AFTPH: variants seen among roughly 807,000 people sequenced by gnomAD.
The protein encoded by AFTPH is aftiphilin protein.
A neutral mutation model predicts 72.5 loss-of-function variants in AFTPH; 7 were observed. That is an observed-to-expected ratio of 0.10 (90% CI 0.05 to 0.18). AFTPH has a LOEUF of 0.18. AFTPH is among the 10% of genes least tolerant of loss of function. AFTPH has a pLI of 1.00. For synonymous variants in AFTPH, 337 were observed against 370.1 expected (o/e 0.91, Z 1.03); for missense variants, 979 against 1,060.5 (o/e 0.92, Z 1.07).
chr2:64,585,478 A>G (rs1193297359), exon 8 of AFTPH: 3 of 1,613,724 alleles, frequency 1.9e-6, no homozygotes, highest in South Asian at 1.1e-5. Flanking sequence ...CTCCACCTCA[A>G]GCCTCAAAGT....
At chr2:64,567,782 A>G in intron 3 of AFTPH, 69 bp downstream of exon 3, 2 of 1,526,372 alleles carry the variant, frequency 1.3e-6, no homozygotes, top group Middle Eastern at 3.5e-4. Context: ...TTATAAGTTT[A>G]TCTTAAAACA....
intron 2 of AFTPH, among the ~76,000 whole-genome samples, chr2:64,562,400 T>C (rs1461423180): frequency 6.6e-6 from 1 of 151,746 alleles, no homozygotes; most frequent in Non-Finnish European, 1.5e-5. Context: ...ACCCAGGTAC[T>C]GGAAATTCAA....
chr2:64,544,362 C>T (rs553188506), intron 1 of AFTPH, among the ~76,000 whole-genome samples: 1 of 152,182 alleles, frequency 6.6e-6, no homozygotes, highest in African/African-American at 2.4e-5. Context: ...TTATTTGCTC[C>T]CCTCTAACAG....
At chr2:64,590,272 A>G (rs1173515386) in intron 8 of AFTPH, among the ~76,000 whole-genome samples, 1 of 152,106 alleles carries the variant, frequency 6.6e-6, no homozygotes, top group Non-Finnish European at 1.5e-5. Flanking sequence ...AAAGCTCTGG[A>G]TTTGTCTGTT....
intron 2 of AFTPH, among the ~76,000 whole-genome samples, chr2:64,563,701 T>G (rs1264715272): frequency 6.6e-6 from 1 of 152,216 alleles, no homozygotes; most frequent in Non-Finnish European, 1.5e-5. Flanking sequence ...CCTCCCAGGT[T>G]CAAGTGATTC....
chr2:64,586,639 G>C (rs1175319533), intron 8 of AFTPH, among the ~76,000 whole-genome samples: 5 of 152,012 alleles, frequency 3.3e-5, no homozygotes, highest in African/African-American at 2.4e-5. Context: ...CTTTTCCCTA[G>C]AATGGCTTTG....
chr2:64,546,760 C>T (rs978463889), intron 1 of AFTPH, among the ~76,000 whole-genome samples: 1 of 151,774 alleles, frequency 6.6e-6, no homozygotes, highest in Non-Finnish European at 1.5e-5. Flanking sequence ...CAAGGCTGGG[C>T]ATGGTGGCTC....
intron 1 of AFTPH, among the ~76,000 whole-genome samples, chr2:64,545,964 C>G (rs1012752692): frequency 9.2e-5 from 14 of 152,046 alleles, no homozygotes; most frequent in Non-Finnish European, 4.4e-5. Flanking sequence ...ACGATCTCGT[C>G]TCACTGCAAC....
At chr2:64,541,543 T>C (rs1407901740) in intron 1 of AFTPH, among the ~76,000 whole-genome samples, 3 of 152,172 alleles carry the variant, frequency 2.0e-5, no homozygotes, top group Admixed American at 2.0e-4. Context: ...AAAAGTTAAC[T>C]AAAACCCAAA....
chr2:64,547,220 C>T (rs1670699639), intron 1 of AFTPH, among the ~76,000 whole-genome samples: 1 of 152,220 alleles, frequency 6.6e-6, no homozygotes, highest in African/African-American at 2.4e-5. Context: ...CTTCTCATGT[C>T]TCTTTATTCT....
intron 6 of AFTPH, 73 bp downstream of exon 6, chr2:64,573,141 T>G: frequency 8.7e-7 from 1 of 1,152,754 alleles, no homozygotes; most frequent in Admixed American, 2.0e-5. Context: ...ACTGCCTTTT[T>G]CCTTCATTTA....
rs55774717 is a variant in AFTPH at position 64,576,074 on chromosome 2, TACACACACAC to T, written c.2394+3041_2394+3050del. On this transcript the variant is annotated intron_variant, in intron 6 of 8. Transcript: ENST00000238856. ...TTCTTACCACTCTTCTTTGGCATGC[TACACACACAC>T]ACACACACACACACACACACACACA... Among the ~76,000 whole-genome samples, 410 of 127,748 alleles carry T rather than the reference TACACACACAC, an allele frequency of 3.2e-3. 1 individual carries two copies. Among genetic ancestry groups the T allele is most frequent in the South Asian group, 6.6e-3 (25 of 3,800 alleles). The allele number at this position is 127,748 out of a possible 152,430, so 83.8% of individuals were successfully genotyped here.
intron 5 of AFTPH, among the ~76,000 whole-genome samples, chr2:64,571,905 T>A (rs1247524369): frequency 6.6e-6 from 1 of 152,146 alleles, no homozygotes; most frequent in Non-Finnish European, 1.5e-5. Context: ...ATACTGAACA[T>A]CTATTTTTCT....
At chr2:64,566,418 ATTT>A (rs556442502) in intron 2 of AFTPH, among the ~76,000 whole-genome samples, 1 of 149,764 alleles carries the variant, frequency 6.7e-6, no homozygotes, top group Non-Finnish European at 1.5e-5. Context: ...ATGTTATGAA[ATTT>A]TTTTTTTTAA....
At chr2:64,592,153 T>A (rs1288445653) in exon 9 of AFTPH, 1 of 1,130,536 alleles carries the variant, frequency 8.8e-7, no homozygotes, top group African/African-American at 1.6e-5. Context: ...TCAGCTGATT[T>A]GTTGGTAAGC....
chr2:64,562,699 T>A (rs1265490394), intron 2 of AFTPH, among the ~76,000 whole-genome samples: 4 of 152,238 alleles, frequency 2.6e-5, no homozygotes, highest in African/African-American at 9.6e-5. Flanking sequence ...GAATAATGTC[T>A]GCCACATGGT....
At chr2:64,584,118 G>A (rs1345105614) in intron 7 of AFTPH, among the ~76,000 whole-genome samples, 4 of 151,862 alleles carry the variant, frequency 2.6e-5, no homozygotes, top group Admixed American at 2.0e-4. Flanking sequence ...TGCTGTTAAC[G>A]CCCGGCAACT....
At chr2:64,560,986 A>C (rs950867602) in intron 2 of AFTPH, among the ~76,000 whole-genome samples, 7 of 152,224 alleles carry the variant, frequency 4.6e-5, no homozygotes, top group African/African-American at 1.7e-4. Flanking sequence ...CTGAGAGCGA[A>C]AGCTCCTGCT....
chr2:64,592,462 CATAA>C (rs1673884011), exon 9 of AFTPH: 1 of 152,780 alleles, frequency 6.5e-6, no homozygotes, highest in Non-Finnish European at 1.5e-5. Flanking sequence ...CTTTTGCTAT[CATAA>C]ATAAGCTCCA....
Sources: gnomAD v4.1 joint callset for allele counts (sites outside exome capture counted in the v4.1 genomes callset) on GRCh38, gnomAD v4.1.1 for gene constraint, MANE v1.5 for transcripts, NCBI Gene and HGNC (gene_info 2026-07-23, HGNC 2026-07-21) for gene names.